Variants in FAM171A1 observed in about 807,000 individuals in gnomAD.
The protein encoded by FAM171A1 is family with sequence similarity 171 member A1, also known as protein FAM171A1.
In FAM171A1, 23 loss-of-function variants were observed where a neutral mutation model predicts 74.9. That is an observed-to-expected ratio of 0.31 (90% confidence interval 0.22 to 0.44). The LOEUF is 0.44. Among genes scored for constraint, FAM171A1 ranks in the 20% least tolerant of loss-of-function variants. The pLI, the probability that FAM171A1 is intolerant of heterozygous loss-of-function variation, is 1.00. For synonymous variants in FAM171A1, 527 were observed against 505.7 expected (o/e 1.04, Z -0.57); for missense variants, 1,162 against 1,159.2 (o/e 1.00, Z -0.03).
intron 1 of FAM171A1, among the ~76,000 whole-genome samples, chr10:15,340,608 C>T (rs147994352): frequency 1.6e-3 from 243 of 152,276 alleles, no homozygotes; most frequent in African/African-American, 5.1e-3. Flanking sequence ...GAGCTGGCAT[C>T]CTGTTAGGAG....
At chr10:15,353,352 G>A (rs1258761395) in intron 1 of FAM171A1, among the ~76,000 whole-genome samples, 2 of 152,100 alleles carry the variant, frequency 1.3e-5, no homozygotes, top group East Asian at 1.9e-4. Context: ...GGAATAACAC[G>A]CATACATTTT....
chr10:15,334,100 G>C (rs1461966696), intron 1 of FAM171A1, among the ~76,000 whole-genome samples: 2 of 152,166 alleles, frequency 1.3e-5, no homozygotes, highest in African/African-American at 4.8e-5. Flanking sequence ...ACATGCAAAT[G>C]AACTCGCCCA....
At position 15,332,537 on chromosome 10, in the gene FAM171A1, GC is replaced by G. The variant is rs1835652243; in HGVS notation, c.97+38418del. Reference sequence around the variant, plus strand: ...GCTTTCTCTTGTCATATCCATCAATGCTTTTCCAATCAATACATGGAAGCAA... The same window carrying G: ...GCTTTCTCTTGTCATATCCATCAATGTTTTCCAATCAATACATGGAAGCAA... On this transcript the variant is annotated intron_variant, in intron 1 of 7. Transcript: ENST00000378116. Among the ~76,000 whole-genome samples, 5 of 152,262 alleles carry G rather than the reference GC, an allele frequency of 3.3e-5. No homozygotes were observed. In the South Asian group the frequency reaches 1.0e-3, roughly 32 times the overall value.
chr10:15,352,706 A>G (rs951890665), intron 1 of FAM171A1, among the ~76,000 whole-genome samples: 5 of 152,216 alleles, frequency 3.3e-5, no homozygotes, highest in African/African-American at 1.2e-4. Flanking sequence ...TTCAAATCCA[A>G]CTAAAAACAC....
chr10:15,303,792 A>C (rs1020653154), intron 1 of FAM171A1, among the ~76,000 whole-genome samples: 1 of 152,214 alleles, frequency 6.6e-6, no homozygotes, highest in Non-Finnish European at 1.5e-5. Flanking sequence ...CAAGAACTGA[A>C]GTTAGGAGAG....
At chr10:15,297,743 C>T (rs7072713) in intron 1 of FAM171A1, among the ~76,000 whole-genome samples, 51,018 of 152,056 alleles carry the variant, frequency 0.34, 10,042 homozygotes, top group East Asian at 0.78. Flanking sequence ...ATCGAAAATA[C>T]GAACTATCTC....
In FAM171A1 at chr10:15,290,668, A is replaced by T. The variant is rs79628188; in HGVS notation, c.98-6563T>A. 7.2e-3 allele frequency among the ~76,000 whole-genome samples: 1,103 copies of T among 152,252 alleles called. 14 individuals carry two copies. Among genetic ancestry groups the T allele is most frequent in the African/African-American group, 0.025 (1,037 of 41,540 alleles). The stretch of plus-strand genomic sequence containing the variant: ...TGCCCCAAGGAAAACTGGGTGACAC[A>T]AGGCAGAACGGGGAACCTATTTTCA... On this transcript the variant is annotated intron_variant, in intron 1 of 7. Coordinates refer to ENST00000378116, the MANE Select transcript of FAM171A1 (RefSeq NM_001010924.2).
chr10:15,268,580 C>T (rs1588523122), intron 3 of FAM171A1, among the ~76,000 whole-genome samples: 1 of 151,926 alleles, frequency 6.6e-6, no homozygotes, highest in Admixed American at 6.6e-5. Context: ...CAAGCAGAGG[C>T]GTCATCCAAG....
At chr10:15,351,118 A>T (rs1461446000) in intron 1 of FAM171A1, among the ~76,000 whole-genome samples, 1 of 152,080 alleles carries the variant, frequency 6.6e-6, no homozygotes, top group Non-Finnish European at 1.5e-5. Flanking sequence ...TGCTTCCTCC[A>T]TAGGAACTCG....
intron 7 of FAM171A1, 141 bp from the exon 8 acceptor site, chr10:15,214,742 T>C: frequency 9.8e-7 from 1 of 1,023,482 alleles, no homozygotes; most frequent in South Asian, 1.9e-5. Flanking sequence ...AAAAGCCTTC[T>C]CACCCCACGC....
intron 1 of FAM171A1, among the ~76,000 whole-genome samples, chr10:15,338,819 C>A (rs1835732410): frequency 6.6e-6 from 1 of 152,234 alleles, no homozygotes; most frequent in Admixed American, 6.5e-5. Flanking sequence ...TGGCATCCTG[C>A]AACCTCCACC....
chr10:15,335,061 G>A (rs1011509207), intron 1 of FAM171A1, among the ~76,000 whole-genome samples: 5 of 152,154 alleles, frequency 3.3e-5, no homozygotes, highest in African/African-American at 1.2e-4. Flanking sequence ...GGGCAACAGG[G>A]TGAAACCCCA....
At chr10:15,301,364 T>A (rs7903150) in intron 1 of FAM171A1, among the ~76,000 whole-genome samples, 1,085 of 102,844 alleles carry the variant, frequency 0.011, 4 homozygotes, top group African/African-American at 0.032. Context: ...ATATATATAT[T>A]TTTTTTTTTT....
At chr10:15,357,718 G>A (rs796729092) in intron 1 of FAM171A1, among the ~76,000 whole-genome samples, 5 of 152,268 alleles carry the variant, frequency 3.3e-5, no homozygotes, top group African/African-American at 1.2e-4. Flanking sequence ...ACTTTAAAAG[G>A]CACAGAATAT....
intron 3 of FAM171A1, among the ~76,000 whole-genome samples, chr10:15,256,252 G>A (rs1157227811): frequency 1.3e-5 from 2 of 152,138 alleles, no homozygotes; most frequent in South Asian, 2.1e-4. Flanking sequence ...GAAGAAGCCT[G>A]TCTAGACGTG....
chr10:15,337,604 T>C (rs551454365), intron 1 of FAM171A1, among the ~76,000 whole-genome samples: 1 of 152,314 alleles, frequency 6.6e-6, no homozygotes, highest in East Asian at 1.9e-4. Flanking sequence ...AGCGCTTTAA[T>C]AAGCAGTAGG....
chr10:15,250,278 T>C (rs557450986), intron 4 of FAM171A1, among the ~76,000 whole-genome samples: 1 of 152,330 alleles, frequency 6.6e-6, no homozygotes, highest in African/African-American at 2.4e-5. Context: ...CTTAGTCTGG[T>C]TATGTCATTT....
At chr10:15,279,139 G>A (rs1028047362) in intron 2 of FAM171A1, among the ~76,000 whole-genome samples, 1 of 152,172 alleles carries the variant, frequency 6.6e-6, no homozygotes, top group African/African-American at 2.4e-5. Context: ...GAAATCACCT[G>A]TGATCATCCC....
At chr10:15,323,179 G>A (rs1313665087) in intron 1 of FAM171A1, among the ~76,000 whole-genome samples, 3 of 151,816 alleles carry the variant, frequency 2.0e-5, no homozygotes, top group Admixed American at 6.6e-5. Context: ...ACAGGGCCGG[G>A]TGTGGTGGCT....
Sources: gnomAD v4.1 joint callset for allele counts (sites outside exome capture counted in the v4.1 genomes callset) on GRCh38, gnomAD v4.1.1 for gene constraint, MANE v1.5 for transcripts, NCBI Gene and HGNC (gene_info 2026-07-23, HGNC 2026-07-21) for gene names.